The following NAV3 variants were observed in gnomAD, a reference collection of about 807,000 sequenced individuals.
NAV3 encodes pore membrane and/or filament interacting like protein 1.
Under a neutral mutation model 244.7 loss-of-function variants are expected in NAV3, and 87 were observed. The observed-to-expected ratio is 0.36, with a 90% confidence interval of 0.30 to 0.42. The LOEUF is 0.42. Among genes scored for constraint, NAV3 ranks in the 20% least tolerant of loss-of-function variants. The pLI is 1.00. For missense variants in NAV3, 2,663 were observed against 2,893.3 expected (o/e 0.92, Z 1.83); for synonymous variants, 1,126 against 1,042.2 (o/e 1.08, Z -1.55).
chr12:78,125,664 T>C (rs923118460), intron 16 of NAV3, among the ~76,000 whole-genome samples: 1 of 152,244 alleles, frequency 6.6e-6, no homozygotes, highest in Non-Finnish European at 1.5e-5. Flanking sequence ...CCATTCGTTT[T>C]CATGCCCTAT....
chr12:77,977,679 G>GAT lies in NAV3; in HGVS notation c.671+8987_671+8988dup, dbSNP rs74469795. ...AATCAATAAGAGTGTTTAGATAGGA[G>GAT]ATATATATATACACACACACACACA... On this transcript the variant is annotated intron_variant, in intron 5 of 39. Transcript: ENST00000397909. Among the ~76,000 whole-genome samples, 360 of 123,632 alleles carry GAT rather than the reference G, an allele frequency of 2.9e-3. 2 individuals carry two copies. Among genetic ancestry groups the GAT allele is most frequent in the African/African-American group, 9.1e-3 (328 of 36,068 alleles). 81.1% of individuals were successfully genotyped at this position (123,632 alleles called of 152,430 possible).
At position 78,148,886 on chromosome 12, in the gene NAV3, AG is replaced by A; in HGVS notation, c.4753del (p.Val1585LeufsTer15). The stretch of plus-strand genomic sequence containing the variant: ...GAGAGCTGGTTGCATCACAAGAAAA[AG>A]TTGCTACCCTCACATCTCAGCTTTC... ...RRELVASQEK[V>X]ATLTSQLSAN... On this transcript the variant is annotated frameshift_variant, in exon 22 of 40. Transcript: ENST00000397909. LOFTEE classifies it high-confidence loss of function. The A allele has an allele frequency of 6.2e-7, 1 of 1,612,920 alleles. No homozygotes were observed. Among genetic ancestry groups the A allele is most frequent in the Non-Finnish European group, 8.5e-7 (1 of 1,179,402 alleles).
Position 78,128,808 on chromosome 12 carries a change from G to C in NAV3, c.4383G>C (p.Leu1461=). The part of the protein sequence containing the change: ...GLQDTGNQSP[L]VSPSAMSSSA... ...AGGACACTGGCAACCAGTCACCTCT[G>C]GTTTCCCCTTCTGCCATGTCATCTT... is the stretch of plus-strand genomic sequence containing the variant. Residue 1461 remains leucine, a synonymous_variant, in exon 18 of 40, where the codon CTG becomes CTC. Transcript: ENST00000397909. The C allele has an allele frequency of 6.2e-7, 1 of 1,613,910 alleles. No individual in the cohort carries two copies. The highest frequency in any genetic ancestry group is 8.5e-7 in the Non-Finnish European group (1 of 1,179,962).
intron 5 of NAV3, among the ~76,000 whole-genome samples, chr12:77,976,440 T>C (rs1868380577): frequency 6.6e-6 from 1 of 151,930 alleles, no homozygotes; most frequent in Admixed American, 6.6e-5. Flanking sequence ...CAAGACCTGA[T>C]AGAGGAGACC....
In NAV3 at chr12:78,119,743, A is replaced by G. The variant is rs2138629796; in HGVS notation, c.3547A>G (p.Lys1183Glu). The change falls in exon 15 of 40, where the codon AAA becomes GAA. Residue 1183 changes from lysine (K) to glutamate (E), a missense_variant. Coordinates refer to ENST00000397909, the MANE Select transcript of NAV3 (RefSeq NM_001024383.2). ...ATTSKLREPT[K>E]IGSGRSSPVT... ...CACCTCGAAACTGAGAGAACCAACT[A>G]AAATTGGGTCAGGGCGCTCGAGTCC... The G allele has an allele frequency of 6.2e-7, 1 of 1,614,138 alleles. No individual in the cohort carries two copies. The highest frequency in any genetic ancestry group is 1.1e-5 in the South Asian group (1 of 91,070).
intron 2 of NAV3, among the ~76,000 whole-genome samples, chr12:77,666,497 GA>G (rs1009077447): frequency 1.3e-4 from 19 of 149,898 alleles, no homozygotes; most frequent in South Asian, 6.3e-4. Flanking sequence ...TTATCTATTA[GA>G]AAAAAAAAGA....
intron 2 of NAV3, among the ~76,000 whole-genome samples, chr12:77,722,032 C>G (rs1267345134): frequency 6.6e-6 from 1 of 152,076 alleles, no homozygotes; most frequent in Non-Finnish European, 1.5e-5. Context: ...AAACTGTGTG[C>G]TCCATGTGTT....
intron 1 of NAV3, among the ~76,000 whole-genome samples, chr12:77,902,866 C>A (rs1314127591): frequency 6.6e-6 from 1 of 152,090 alleles, no homozygotes; most frequent in Non-Finnish European, 1.5e-5. Flanking sequence ...AACAGAGAGC[C>A]AAATCATGAG....
intron 2 of NAV3, among the ~76,000 whole-genome samples, chr12:77,596,657 A>C (rs1307506341): frequency 6.6e-6 from 1 of 152,166 alleles, no homozygotes; most frequent in South Asian, 2.1e-4. Context: ...GCACTCAAAG[A>C]ACAAGAGAGA....
intron 12 of NAV3, among the ~76,000 whole-genome samples, chr12:78,095,452 A>G (rs1288778389): frequency 1.3e-5 from 2 of 152,210 alleles, no homozygotes; most frequent in Admixed American, 6.5e-5. Context: ...GAGTGGCTCA[A>G]TGTGACTATT....
chr12:77,818,919 T>C (rs1370230054), intron 2 of NAV3, among the ~76,000 whole-genome samples: 2 of 152,070 alleles, frequency 1.3e-5, no homozygotes, highest in Non-Finnish European at 2.9e-5. Context: ...AACAAATAGC[T>C]CATTTCCCGG....
At chr12:77,881,188 T>C (rs1378816359) in intron 1 of NAV3, among the ~76,000 whole-genome samples, 1 of 152,188 alleles carries the variant, frequency 6.6e-6, no homozygotes, top group African/African-American at 2.4e-5. Context: ...GTGCATGATA[T>C]AAGAATTTAT....
intron 2 of NAV3, among the ~76,000 whole-genome samples, chr12:77,695,984 C>A (rs1462205095): frequency 6.6e-6 from 1 of 152,016 alleles, no homozygotes; most frequent in African/African-American, 2.4e-5. Flanking sequence ...TGCAAAAATC[C>A]TTTTGTGTCC....
intron 1 of NAV3, among the ~76,000 whole-genome samples, chr12:77,873,923 A>G (rs1444677972): frequency 6.6e-6 from 1 of 151,106 alleles, no homozygotes; most frequent in African/African-American, 2.4e-5. Context: ...TGGCCTGTTT[A>G]GGAACCAGAT....
chr12:78,053,814 G>A (rs1026777991), intron 11 of NAV3, among the ~76,000 whole-genome samples: 4 of 151,936 alleles, frequency 2.6e-5, no homozygotes, highest in African/African-American at 4.8e-5. Context: ...TTTTTTTCAC[G>A]GTTCTGTTCA....
chr12:77,897,566 A>G (rs1387838034), intron 1 of NAV3, among the ~76,000 whole-genome samples: 2 of 152,122 alleles, frequency 1.3e-5, no homozygotes, highest in Admixed American at 1.3e-4. Context: ...AGCAGTTTGA[A>G]TTGCAAGCTG....
intron 12 of NAV3, among the ~76,000 whole-genome samples, chr12:78,065,398 A>G (rs1884894335): frequency 6.6e-6 from 1 of 152,180 alleles, no homozygotes; most frequent in Non-Finnish European, 1.5e-5. Flanking sequence ...TGCACTGTGC[A>G]AGCTAGGAAC....
chr12:77,783,560 A>T (rs1276154843), intron 2 of NAV3: 1 of 152,216 alleles, frequency 6.6e-6, no homozygotes, highest in Non-Finnish European at 1.5e-5. Context: ...TAGAGAGTAA[A>T]TAAAGTGATA....
intron 1 of NAV3, among the ~76,000 whole-genome samples, chr12:77,888,760 G>C (rs1440347884): frequency 3.9e-5 from 6 of 152,084 alleles, no homozygotes; most frequent in Admixed American, 3.9e-4. Context: ...ATGTGGAATT[G>C]GCATGAGTCA....
Sources: gnomAD v4.1 joint callset for allele counts (sites outside exome capture counted in the v4.1 genomes callset) on GRCh38, gnomAD v4.1.1 for gene constraint, MANE v1.5 for transcripts, NCBI Gene and HGNC (gene_info 2026-07-23, HGNC 2026-07-21) for gene names.